Variants in NLGN1 observed in about 807,000 individuals in gnomAD.
NLGN1 encodes neuroligin 1, also known as neuroligin-1.
NLGN1 carries 12 observed loss-of-function variants against 65.5 expected under a neutral mutation model. That is an observed-to-expected ratio of 0.18 (90% CI 0.12 to 0.30). The LOEUF is 0.30. Among genes scored for constraint, NLGN1 ranks in the 10% least tolerant of loss-of-function variants. The pLI is 1.00. For missense variants in NLGN1, 750 were observed against 1,007.1 expected (o/e 0.74, Z 3.46); for synonymous variants, 350 against 359.5 (o/e 0.97, Z 0.30).
At chr3:174,260,936 C>T (rs373572937) in intron 4 of NLGN1, among the ~76,000 whole-genome samples, 19,270 of 140,472 alleles carry the variant, frequency 0.14, 1,514 homozygotes, top group East Asian at 0.43. Context: ...ATTTATTAAA[C>T]AGGGAATCCT....
intron 2 of NLGN1, among the ~76,000 whole-genome samples, chr3:173,519,193 G>A (rs766048924): frequency 3.9e-5 from 6 of 152,202 alleles, no homozygotes; most frequent in African/African-American, 1.4e-4. Context: ...ACTATACTAT[G>A]TATGGAAAAG....
At chr3:173,713,087 G>A (rs1166342108) in intron 3 of NLGN1, among the ~76,000 whole-genome samples, 1 of 152,012 alleles carries the variant, frequency 6.6e-6, no homozygotes, top group East Asian at 1.9e-4. Context: ...CTTTAAACAA[G>A]GTTGCATTTT....
intron 3 of NLGN1, among the ~76,000 whole-genome samples, chr3:173,701,615 T>G (rs563687394): frequency 6.6e-6 from 1 of 152,234 alleles, no homozygotes; most frequent in Non-Finnish European, 1.5e-5. Flanking sequence ...TGGTGATTTG[T>G]TAACAGGAAA....
At chr3:173,775,395 G>A (rs539936554) in intron 3 of NLGN1, among the ~76,000 whole-genome samples, 1 of 151,970 alleles carries the variant, frequency 6.6e-6, no homozygotes, top group Admixed American at 6.6e-5. Context: ...TTGGTCTTTG[G>A]AGTTGAACAG....
chr3:173,958,475 C>T (rs1002121127), intron 4 of NLGN1, among the ~76,000 whole-genome samples: 4 of 151,538 alleles, frequency 2.6e-5, no homozygotes, highest in Non-Finnish European at 2.9e-5. Context: ...TTACTCAGCT[C>T]TCAGCAGGGA....
chr3:173,599,209 G>A (rs1750026866), intron 2 of NLGN1, among the ~76,000 whole-genome samples: 1 of 152,040 alleles, frequency 6.6e-6, no homozygotes, highest in Admixed American at 6.6e-5. Flanking sequence ...CTTACTATGT[G>A]AGTTAATTAC....
At chr3:173,532,151 CT>C (rs1281102786) in intron 2 of NLGN1, among the ~76,000 whole-genome samples, 1 of 152,096 alleles carries the variant, frequency 6.6e-6, no homozygotes. Context: ...TTACTCTGTT[CT>C]TGTCTTTCTT....
chr3:174,009,698 T>A lies in NLGN1; in HGVS notation c.646+201866T>A, dbSNP rs192202380. On this transcript the variant is annotated intron_variant, in intron 4 of 6. Transcript: ENST00000457714. ...CGGTAGAATTTCTAAGTATCTTCATTAAATAAAATGTAGAAACAAAGTAAT... is the reference window on the plus strand; with the variant it reads ...CGGTAGAATTTCTAAGTATCTTCATAAAATAAAATGTAGAAACAAAGTAAT... Among the ~76,000 whole-genome samples the A allele has an allele frequency of 6.3e-4, 96 of 152,256 alleles. 1 individual carries two copies. The highest frequency in any genetic ancestry group is 3.5e-3 in the East Asian group (18 of 5,172).
chr3:173,513,980 T>C (rs1265715580), intron 2 of NLGN1, among the ~76,000 whole-genome samples: 1 of 152,086 alleles, frequency 6.6e-6, no homozygotes, highest in Admixed American at 6.6e-5. Context: ...GTGAGCAGTG[T>C]GTTGTGTTAT....
chr3:174,171,146 TTA>T (rs1474269432), intron 4 of NLGN1, among the ~76,000 whole-genome samples: 1 of 152,174 alleles, frequency 6.6e-6, no homozygotes, highest in Non-Finnish European at 1.5e-5. Flanking sequence ...TACAGTGATG[TTA>T]TGTTTCTGAG....
chr3:173,458,386 T>A (rs1055477072), intron 2 of NLGN1, among the ~76,000 whole-genome samples: 6 of 152,118 alleles, frequency 3.9e-5, no homozygotes, highest in Admixed American at 1.3e-4. Flanking sequence ...ACATACCACC[T>A]TCTTTCATTC....
In NLGN1 at chr3:173,607,686, C is replaced by G. The variant is rs147404441; in HGVS notation, c.493+2595C>G. On this transcript the variant is annotated intron_variant, in intron 3 of 6. Coordinates refer to ENST00000457714, the Ensembl canonical transcript of NLGN1. ...TTGGGAGTCAAGAAATTATTAGTCC[C>G]TTTATATCTGTTTATATATATACTA... is the stretch of plus-strand genomic sequence containing the variant. Among the ~76,000 whole-genome samples, 7 of 151,408 alleles carry G rather than the reference C, an allele frequency of 4.6e-5. No individual in the cohort carries two copies. The East Asian group carries it at 1.4e-3, about 30-fold the overall frequency.
chr3:173,798,061 A>T (rs1714550799), intron 3 of NLGN1, among the ~76,000 whole-genome samples: 1 of 152,130 alleles, frequency 6.6e-6, no homozygotes, highest in Non-Finnish European at 1.5e-5. Context: ...GAGAGCTCTT[A>T]TAGAGCCCCG....
chr3:173,440,990 G>A (rs1025961320), intron 2 of NLGN1, among the ~76,000 whole-genome samples: 6 of 151,846 alleles, frequency 4.0e-5, no homozygotes, highest in African/African-American at 9.7e-5. Context: ...ATGATCTTCC[G>A]GATAAATGGT....
intron 3 of NLGN1, among the ~76,000 whole-genome samples, chr3:173,674,771 A>G (rs1183423748): frequency 1.3e-5 from 2 of 152,034 alleles, no homozygotes; most frequent in Admixed American, 1.3e-4. Context: ...TCTAAGTTAA[A>G]TAAAACATGG....
chr3:173,410,410 G>A (rs545757061), intron 1 of NLGN1, among the ~76,000 whole-genome samples: 1 of 152,158 alleles, frequency 6.6e-6, no homozygotes, highest in Non-Finnish European at 1.5e-5. Context: ...AATGGAGAAG[G>A]CAAAGATGAG....
intron 3 of NLGN1, among the ~76,000 whole-genome samples, chr3:173,686,270 TAA>T (rs781316584): frequency 3.7e-5 from 5 of 135,902 alleles, no homozygotes; most frequent in Admixed American, 2.2e-4. Flanking sequence ...AGCGCTTGAC[TAA>T]AAAAAAAAAA....
chr3:173,780,143 A>C (rs1250282648), intron 3 of NLGN1, among the ~76,000 whole-genome samples: 8 of 152,200 alleles, frequency 5.3e-5, no homozygotes. Context: ...TACAGTTGAC[A>C]CTTTATCCTT....
intron 1 of NLGN1, among the ~76,000 whole-genome samples, chr3:173,430,092 G>A (rs1196743528): frequency 6.6e-6 from 1 of 152,180 alleles, no homozygotes; most frequent in Non-Finnish European, 1.5e-5. Context: ...TGACGAAACT[G>A]TCTGTCTTCC....
Sources: allele counts gnomAD v4.1 joint callset (sites outside exome capture counted in the v4.1 genomes callset), GRCh38; gene constraint gnomAD v4.1.1; transcripts MANE v1.5; gene names NCBI Gene and HGNC (gene_info 2026-07-23, HGNC 2026-07-21).